Variants in RAD51B observed in about 807,000 individuals in gnomAD.
RAD51B encodes RAD51 paralog B, also known as DNA repair protein RAD51 homolog 2.
In RAD51B, 38 loss-of-function variants were observed where a neutral mutation model predicts 42.2. The ratio of observed to expected loss-of-function variants is 0.90; its 90% CI spans 0.70 to 1.18. The LOEUF is 1.18. Among genes scored for constraint, RAD51B ranks in the 50% most tolerant of loss-of-function variants. The pLI is 0.00. For synonymous variants in RAD51B, 154 were observed against 145.2 expected, an observed-to-expected ratio of 1.06 and a Z score of -0.43; for missense variants, 373 against 400.7, an observed-to-expected ratio of 0.93 and a Z score of 0.59.
chr14:68,628,443 CT>C (rs1892145499), intron 10 of RAD51B: 1 of 152,312 alleles, frequency 6.6e-6, no homozygotes, highest in Non-Finnish European at 1.5e-5. Context: ...GGGCCGGCGG[CT>C]CCCAGCTCCC....
chr14:68,663,310 AAGAGAGAG>A (rs3077379), intron 11 of RAD51B, among the ~76,000 whole-genome samples: 1 of 149,202 alleles, frequency 6.7e-6, no homozygotes, highest in Non-Finnish European at 1.5e-5. Context: ...CTCAAAAACA[AAGAGAGAG>A]AGAGAGAGAG....
chr14:68,235,172 C>T (rs1051409528), intron 7 of RAD51B, among the ~76,000 whole-genome samples: 1 of 151,944 alleles, frequency 6.6e-6, no homozygotes. Flanking sequence ...TTTTATATGA[C>T]TAACAATACA....
chr14:68,616,370 T>A (rs756447975), downstream of RAD51B, among the ~76,000 whole-genome samples: 38 of 152,204 alleles, frequency 2.5e-4, no homozygotes, highest in Non-Finnish European at 4.9e-4. Context: ...GATACAGAAT[T>A]TGATTTGTGT....
intron 7 of RAD51B, among the ~76,000 whole-genome samples, chr14:68,057,871 T>C (rs1200575459): frequency 6.7e-6 from 1 of 149,798 alleles, no homozygotes. Flanking sequence ...GGTTGGCTTT[T>C]ATTGATGTAT....
At chr14:68,537,498 C>CAA (rs34728022) in intron 10 of RAD51B, among the ~76,000 whole-genome samples, 226 of 145,644 alleles carry the variant, frequency 1.6e-3, no homozygotes, top group Middle Eastern at 7.1e-3. Context: ...GATTTCGTCT[C>CAA]AAAAAAAAAA....
chr14:68,394,976 G>A (rs368801736), intron 8 of RAD51B, among the ~76,000 whole-genome samples: 2 of 152,050 alleles, frequency 1.3e-5, no homozygotes, highest in Non-Finnish European at 2.9e-5. Flanking sequence ...ACAGAGGTCC[G>A]TCCCCTGCAC....
intron 4 of RAD51B, among the ~76,000 whole-genome samples, chr14:67,863,998 A>G (rs1309270159): frequency 2.6e-5 from 4 of 151,996 alleles, no homozygotes; most frequent in Admixed American, 1.3e-4. Context: ...ACATCTTACT[A>G]TGGCGGAACA....
In RAD51B at chr14:67,971,301, A is replaced by G. The variant is rs1328872546; in HGVS notation, c.756+84097A>G. On this transcript the variant is annotated intron_variant, in intron 7 of 10. Coordinates refer to ENST00000471583, the MANE Select transcript of RAD51B (RefSeq NM_133510.4). Reference sequence around the variant, plus strand: ...AATTTAAATTTGTTATACTTCTTATACTAGTAGAATGTTTCCTTTCTATCT... The same window carrying G: ...AATTTAAATTTGTTATACTTCTTATGCTAGTAGAATGTTTCCTTTCTATCT... Among the ~76,000 whole-genome samples, 6 of 152,106 alleles carry G rather than the reference A, an allele frequency of 3.9e-5. No individual in the cohort carries two copies. In the East Asian group the frequency reaches 5.8e-4, roughly 15 times the overall value.
intron 7 of RAD51B, among the ~76,000 whole-genome samples, chr14:67,893,251 A>C (rs866740067): frequency 1.1e-4 from 17 of 152,142 alleles, no homozygotes; most frequent in Middle Eastern, 6.8e-3. Flanking sequence ...AGCTGGGTGA[A>C]GGGCATTTGG....
intron 7 of RAD51B, among the ~76,000 whole-genome samples, chr14:68,078,803 A>C (rs1318702832): frequency 6.6e-6 from 1 of 152,152 alleles, no homozygotes. Flanking sequence ...CAGCCTGCGC[A>C]AAAGAGGGAG....
At chr14:68,318,432 C>T (rs958848902) in intron 8 of RAD51B, among the ~76,000 whole-genome samples, 1 of 151,770 alleles carries the variant, frequency 6.6e-6, no homozygotes, top group African/African-American at 2.4e-5. Flanking sequence ...GCTTAAAATC[C>T]CTAGGGCCTT....
At chr14:68,472,738 T>G (rs944981661) in intron 10 of RAD51B, among the ~76,000 whole-genome samples, 30 of 152,216 alleles carry the variant, frequency 2.0e-4, no homozygotes, top group African/African-American at 7.0e-4. Flanking sequence ...CAGGGCACCC[T>G]GAGACAGGTC....
At chr14:67,960,812 G>T (rs932685342) in intron 7 of RAD51B, among the ~76,000 whole-genome samples, 5 of 151,794 alleles carry the variant, frequency 3.3e-5, no homozygotes, top group Admixed American at 3.3e-4. Context: ...GGAACAACAG[G>T]CACCTGCCTT....
chr14:68,203,931 A>G (rs1371499371), intron 7 of RAD51B, among the ~76,000 whole-genome samples: 1 of 152,208 alleles, frequency 6.6e-6, no homozygotes, highest in Non-Finnish European at 1.5e-5. Context: ...CTTGCTCTGG[A>G]TTAGACTTTG....
chr14:68,610,920 A>T lies in RAD51B; in HGVS notation c.1037-86A>T, dbSNP rs1028205109. The T allele has an allele frequency of 3.1e-5, 20 of 653,436 alleles. No individual in the cohort carries two copies. The Admixed American group carries it at 4.2e-4, about 14-fold the overall frequency. 40.5% of individuals were successfully genotyped at this position (653,436 alleles called of 1,614,324 possible). On this transcript the variant is annotated intron_variant, in intron 10 of 10. Transcript: ENST00000487861. ...TAGTTGTGTAACCCTGCAGGCCATG[A>T]ACAGTTATTATTCAATGTTGTTTCC...
chr14:68,183,320 G>A (rs1003248930), intron 7 of RAD51B, among the ~76,000 whole-genome samples: 16 of 151,710 alleles, frequency 1.1e-4, no homozygotes, highest in Non-Finnish European at 2.4e-4. Context: ...TAAGGAATTT[G>A]GAGTCTGATG....
intron 8 of RAD51B, among the ~76,000 whole-genome samples, chr14:68,408,906 T>C (rs1462566094): frequency 6.6e-6 from 1 of 152,116 alleles, no homozygotes; most frequent in Non-Finnish European, 1.5e-5. Flanking sequence ...CTCACCACAG[T>C]ACTCACCACT....
chr14:68,195,043 C>G (rs1185416222), intron 7 of RAD51B, among the ~76,000 whole-genome samples: 1 of 151,954 alleles, frequency 6.6e-6, no homozygotes, highest in Non-Finnish European at 1.5e-5. Context: ...GTGGTAGGAC[C>G]TGGGGATATG....
chr14:67,951,651 G>T (rs1034158436), intron 7 of RAD51B, among the ~76,000 whole-genome samples: 3 of 152,088 alleles, frequency 2.0e-5, no homozygotes, highest in African/African-American at 4.8e-5. Context: ...GAAAGTTCAG[G>T]TTTATCTGAA....
Sources: gnomAD v4.1 joint callset for allele counts (sites outside exome capture counted in the v4.1 genomes callset) on GRCh38, gnomAD v4.1.1 for gene constraint, MANE v1.5 for transcripts, NCBI Gene and HGNC (gene_info 2026-07-23, HGNC 2026-07-21) for gene names.